DYM: variants seen among roughly 807,000 people sequenced by gnomAD.
DYM encodes the protein dymeclin.
Under a neutral mutation model 93.1 loss-of-function variants are expected in DYM, and 78 were observed. That is an observed-to-expected ratio of 0.84 (90% CI 0.70 to 1.01). The LOEUF is 1.01. Among genes scored for constraint, DYM ranks in the 50% least tolerant of loss-of-function variants. DYM has a pLI of 0.00. For missense variants in DYM, 789 were observed against 845.0 expected (o/e 0.93, Z 0.82); for synonymous variants, 321 against 319.7 (o/e 1.00, Z -0.04).
chr18:49,441,293 A>AT (rs1385385833), intron 1 of DYM, among the ~76,000 whole-genome samples: 2 of 36,490 alleles, frequency 5.5e-5, no homozygotes, highest in Admixed American at 4.3e-4. Context: ...ATTATATATA[A>AT]TATAATTATA....
At chr18:49,136,654 C>G (rs1309957998) in intron 15 of DYM, among the ~76,000 whole-genome samples, 1 of 152,060 alleles carries the variant, frequency 6.6e-6, no homozygotes, top group Non-Finnish European at 1.5e-5. Context: ...GTAGAAACAA[C>G]TCTCAATATG....
At chr18:49,454,864 C>T (rs1193425517) in intron 1 of DYM, among the ~76,000 whole-genome samples, 5 of 146,936 alleles carry the variant, frequency 3.4e-5, no homozygotes, top group South Asian at 4.4e-4. Context: ...GCCGAGATCG[C>T]GCCACTGCAC....
At chr18:49,091,578 C>T (rs28619260) in intron 17 of DYM, among the ~76,000 whole-genome samples, 1,923 of 152,232 alleles carry the variant, frequency 0.013, 30 homozygotes, top group African/African-American at 0.043. Context: ...TCAGTTCACA[C>T]AGCGGCTGAT....
At chr18:49,080,213 C>A (rs1420781594) in intron 17 of DYM, among the ~76,000 whole-genome samples, 1 of 91,596 alleles carries the variant, frequency 1.1e-5, no homozygotes, top group Non-Finnish European at 2.1e-5. Context: ...GGGGGGCTGA[C>A]CCCCCAACCT....
intron 15 of DYM, among the ~76,000 whole-genome samples, chr18:49,123,869 G>A (rs564248793): frequency 6.6e-6 from 1 of 152,064 alleles, no homozygotes; most frequent in Non-Finnish European, 1.5e-5. Flanking sequence ...TCTCTCTCAC[G>A]GTCATTTAAG....
intron 13 of DYM, among the ~76,000 whole-genome samples, chr18:49,256,266 T>C (rs1352509595): frequency 6.6e-6 from 1 of 152,036 alleles, no homozygotes; most frequent in Non-Finnish European, 1.5e-5. Context: ...AGATGGAAGA[T>C]AATCCTGGAT....
At chr18:49,227,001 A>G (rs1184994112) in intron 13 of DYM, among the ~76,000 whole-genome samples, 2 of 152,194 alleles carry the variant, frequency 1.3e-5, no homozygotes, top group Non-Finnish European at 2.9e-5. Context: ...AATGATGACT[A>G]TATGCTAAAA....
At chr18:49,297,062 A>G (rs2060611947) in intron 8 of DYM, among the ~76,000 whole-genome samples, 1 of 152,192 alleles carries the variant, frequency 6.6e-6, no homozygotes, top group South Asian at 2.1e-4. Context: ...AGAATTTTAT[A>G]TTTGCTATTT....
intron 8 of DYM, among the ~76,000 whole-genome samples, chr18:49,289,642 T>C (rs2059906055): frequency 1.4e-5 from 2 of 146,886 alleles, no homozygotes; most frequent in Admixed American, 6.8e-5. Flanking sequence ...GCCCAGGAGG[T>C]TGAGGCTACA....
At chr18:49,049,868 T>C (rs17189079) in intron 17 of DYM, 11,462 of 154,336 alleles carry the variant, frequency 0.074, 485 homozygotes, top group Middle Eastern at 0.096. Flanking sequence ...CCTCCCTGCA[T>C]GAAAACCAGA....
At chr18:49,322,968 A>G (rs899710553) in intron 8 of DYM, among the ~76,000 whole-genome samples, 5 of 152,308 alleles carry the variant, frequency 3.3e-5, no homozygotes, top group African/African-American at 1.2e-4. Context: ...CAGGTCTGGC[A>G]TTCAATTCCA....
chr18:49,099,028 A>G (rs2079853104), intron 16 of DYM, among the ~76,000 whole-genome samples: 1 of 152,224 alleles, frequency 6.6e-6, no homozygotes, highest in African/African-American at 2.4e-5. Flanking sequence ...GTTGGTAAAA[A>G]AATGGTTTAA....
chr18:49,214,292 A>G (rs1457259048), intron 13 of DYM, among the ~76,000 whole-genome samples: 1 of 152,208 alleles, frequency 6.6e-6, no homozygotes, highest in African/African-American at 2.4e-5. Flanking sequence ...GCCTCCTGTC[A>G]GATCAGTGGT....
At chr18:49,151,402 T>C (rs1386261936) in intron 15 of DYM, among the ~76,000 whole-genome samples, 1 of 152,198 alleles carries the variant, frequency 6.6e-6, no homozygotes, top group Non-Finnish European at 1.5e-5. Flanking sequence ...TTTCCACTCA[T>C]ACAATGAATA....
At chr18:49,355,825 T>C (rs953060668) in intron 6 of DYM, among the ~76,000 whole-genome samples, 1 of 152,158 alleles carries the variant, frequency 6.6e-6, no homozygotes, top group African/African-American at 2.4e-5. Flanking sequence ...TAAAGACTTA[T>C]TTTTTCAAAA....
rs1249746139 is a variant in DYM at position 49,167,080 on chromosome 18, T to C, written c.1626-3293A>G. ...GTGCACTATCAGAGAACAATAGAGG[T>C]GATCTATAGTAACTCTCATTATCAA... On this transcript the variant is annotated intron_variant, in intron 14 of 17. Coordinates refer to ENST00000675505, the MANE Select transcript of DYM (RefSeq NM_001353214.3). Among the ~76,000 whole-genome samples the C allele has an allele frequency of 2.0e-5, 3 of 150,956 alleles. No individual in the cohort carries two copies. In the South Asian group the frequency reaches 6.3e-4, roughly 32 times the overall value.
intron 13 of DYM, among the ~76,000 whole-genome samples, chr18:49,242,433 A>C (rs1360014307): frequency 4.6e-5 from 7 of 152,158 alleles, no homozygotes; most frequent in African/African-American, 1.7e-4. Context: ...ATAACAATAA[A>C]AATGCATAAA....
chr18:49,286,240 T>C (rs917384967), intron 9 of DYM, among the ~76,000 whole-genome samples, 194 bp downstream of exon 9: 35 of 152,282 alleles, frequency 2.3e-4, no homozygotes, highest in African/African-American at 7.5e-4. Flanking sequence ...TTTAAACAGA[T>C]ATAAAGGATC....
chr18:49,136,456 A>G (rs1020949772), intron 15 of DYM, among the ~76,000 whole-genome samples: 1 of 151,966 alleles, frequency 6.6e-6, no homozygotes, highest in Admixed American at 6.5e-5. Flanking sequence ...GTCTGGGGGG[A>G]TAGGACTTAA....
Sources: allele counts gnomAD v4.1 joint callset (sites outside exome capture counted in the v4.1 genomes callset), GRCh38; gene constraint gnomAD v4.1.1; transcripts MANE v1.5; gene names NCBI Gene and HGNC (gene_info 2026-07-23, HGNC 2026-07-21).